The following FAM47E variants were observed in gnomAD, a reference collection of about 807,000 sequenced individuals.
FAM47E encodes the protein protein FAM47E.
FAM47E carries 32 observed loss-of-function variants against 41.6 expected under a neutral mutation model. The observed-to-expected ratio is 0.77, with a 90% confidence interval of 0.58 to 1.03. The LOEUF (loss-of-function observed/expected upper bound fraction) is 1.03, where lower values mean the gene tolerates loss of function less well. Among genes scored for constraint, FAM47E ranks in the 50% least tolerant of loss-of-function variants. FAM47E has a pLI of 0.00. For synonymous variants in FAM47E, 184 were observed against 188.7 expected (o/e 0.98, Z 0.20); for missense variants, 424 against 485.4 (o/e 0.87, Z 1.19).
intron 2 of FAM47E, among the ~76,000 whole-genome samples, chr4:76,245,851 G>A (rs752034639): frequency 2.1e-4 from 32 of 152,076 alleles, no homozygotes; most frequent in African/African-American, 7.0e-4. Flanking sequence ...CAGCCTGACC[G>A]AACTAAAGGA....
At chr4:76,274,829 A>G (rs1209155265) in intron 5 of FAM47E, among the ~76,000 whole-genome samples, 1 of 151,562 alleles carries the variant, frequency 6.6e-6, no homozygotes, top group East Asian at 1.9e-4. Context: ...AATCTCCTGG[A>G]GTTCTCTCTC....
chr4:76,269,897 G>A (rs1381632246), intron 4 of FAM47E, among the ~76,000 whole-genome samples: 1 of 152,054 alleles, frequency 6.6e-6, no homozygotes, highest in Non-Finnish European at 1.5e-5. Flanking sequence ...CTGAGTCTCT[G>A]TAGATGTCTA....
At chr4:76,275,055 A>G (rs1258890951) in intron 5 of FAM47E, among the ~76,000 whole-genome samples, 1 of 149,398 alleles carries the variant, frequency 6.7e-6, no homozygotes. Flanking sequence ...CTTGCACAGT[A>G]TTAATTCATG....
At chr4:76,247,926 T>C (rs1733864552), upstream of FAM47E, among the ~76,000 whole-genome samples, 1 of 142,068 alleles carries the variant, frequency 7.0e-6, no homozygotes, top group African/African-American at 2.6e-5. Context: ...TTTTTTTTTT[T>C]TTTTTTGAGA....
At chr4:76,271,832 T>C (rs1313218150) in intron 5 of FAM47E, 64 bp downstream of exon 5, 1 of 1,493,424 alleles carries the variant, frequency 6.7e-7, no homozygotes, top group Non-Finnish European at 8.9e-7. Flanking sequence ...AGTCTTAAAG[T>C]TCTTGAATTC....
At chr4:76,281,603 T>G (rs1735347925) in intron 7 of FAM47E, 1 of 152,184 alleles carries the variant, frequency 6.6e-6, no homozygotes, top group African/African-American at 2.4e-5. Flanking sequence ...TAAATCCTTA[T>G]TTGCCATTGA....
chr4:76,215,287 G>A (rs957594215), intron 1 of FAM47E, among the ~76,000 whole-genome samples: 1 of 152,210 alleles, frequency 6.6e-6, no homozygotes, highest in African/African-American at 2.4e-5. Flanking sequence ...CTGGGGCTCT[G>A]AGTTAAGTAA....
At chr4:76,217,832 G>C (rs1438471894) in intron 2 of FAM47E, 1 of 402,614 alleles carries the variant, frequency 2.5e-6, no homozygotes, top group East Asian at 3.5e-5. Flanking sequence ...GATTGCTGGT[G>C]CCTGTTGAAA....
chr4:76,254,095 C>A (rs1355754697), intron 1 of FAM47E, among the ~76,000 whole-genome samples: 1 of 150,462 alleles, frequency 6.6e-6, no homozygotes, highest in Non-Finnish European at 1.5e-5. Flanking sequence ...GCCACTGTAC[C>A]CTAGCTTGAG....
At chr4:76,246,892 T>G (rs1733838907), upstream of FAM47E, among the ~76,000 whole-genome samples, 1 of 152,170 alleles carries the variant, frequency 6.6e-6, no homozygotes. Flanking sequence ...CTCATTAATT[T>G]TCAAATTTCC....
chr4:76,268,884 A>G, intron 4 of FAM47E, 116 bp downstream of exon 4: 2 of 1,299,396 alleles, frequency 1.5e-6, no homozygotes, highest in South Asian at 1.5e-5. Flanking sequence ...AAAAAACAGT[A>G]TTGGATAAAA....
rs1436404508 is a variant in FAM47E, at chr4:76,264,905, C to G, written c.560+1062C>G. On this transcript the variant is annotated intron_variant, in intron 3 of 7. Coordinates refer to ENST00000424749, the MANE Select transcript of FAM47E (RefSeq NM_001136570.3). ...GCCACTGGGCCGGGCCTACATTTGA[C>G]TTTTGAAATTAAAGACCTCACTGAT... is the stretch of plus-strand genomic sequence containing the variant. Among the ~76,000 whole-genome samples the G allele has an allele frequency of 2.0e-5, 3 of 152,130 alleles. 1 individual carries two copies. The highest frequency in any genetic ancestry group is 2.0e-4 in the Admixed American group (3 of 15,266).
At chr4:76,226,012 C>T (rs561492245) in intron 2 of FAM47E, among the ~76,000 whole-genome samples, 4 of 152,248 alleles carry the variant, frequency 2.6e-5, no homozygotes, top group Admixed American at 6.5e-5. Flanking sequence ...TGAATCCATC[C>T]GGTCCTGGAC....
At chr4:76,282,378 C>T (rs972241979) in intron 7 of FAM47E, 1 of 152,116 alleles carries the variant, frequency 6.6e-6, no homozygotes, top group Non-Finnish European at 1.5e-5. Flanking sequence ...AGGCGCCCCC[C>T]ATGTGTCCGT....
chr4:76,253,114 A>G (rs754611300), intron 1 of FAM47E, among the ~76,000 whole-genome samples: 2 of 152,200 alleles, frequency 1.3e-5, no homozygotes, highest in Non-Finnish European at 2.9e-5. Context: ...TTAGATAAAC[A>G]GAATAATACA....
chr4:76,231,723 G>T (rs780680925), intron 2 of FAM47E, among the ~76,000 whole-genome samples: 1 of 152,142 alleles, frequency 6.6e-6, no homozygotes, highest in Non-Finnish European at 1.5e-5. Context: ...CCCAGGCATG[G>T]GTTTATCCTC....
rs529312069 is a variant in FAM47E, at chr4:76,274,226, C to T, written c.870+2458C>T. ...CCTATAAATATTCTTGAACTTTGTT[C>T]TGGGATGCAACCAAGTTACTTGGAA... is the stretch of plus-strand genomic sequence containing the variant. On this transcript the variant is annotated intron_variant, in intron 5 of 7. Coordinates refer to ENST00000424749, the MANE Select transcript of FAM47E (RefSeq NM_001136570.3). Among the ~76,000 whole-genome samples, 14 of 152,204 alleles carry T rather than the reference C, an allele frequency of 9.2e-5. No homozygotes were observed. The East Asian group carries it at 2.7e-3, about 29-fold the overall frequency.
chr4:76,243,125 A>T lies in FAM47E; in HGVS notation c.82-20579A>T, dbSNP rs185886726. 3.3e-5 allele frequency among the ~76,000 whole-genome samples: 5 copies of T among 152,342 alleles called. 1 individual carries two copies. Among genetic ancestry groups the T allele is most frequent in the Admixed American group, 3.3e-4 (5 of 15,308 alleles). The stretch of plus-strand genomic sequence containing the variant: ...AAGAAGTAGTCAGTCTGCATCTGGG[A>T]AGAGGGTCCTCACCAGAACCCGACC... On this transcript the variant is annotated intron_variant, in intron 2 of 7. Transcript: ENST00000510197.
chr4:76,234,357 G>A (rs1219887555), intron 2 of FAM47E: 1 of 152,582 alleles, frequency 6.6e-6, no homozygotes, highest in Non-Finnish European at 1.5e-5. Context: ...TTTCCTTTGT[G>A]AAGCTAAAGA....
Sources: gnomAD v4.1 joint callset for allele counts (sites outside exome capture counted in the v4.1 genomes callset) on GRCh38, gnomAD v4.1.1 for gene constraint, MANE v1.5 for transcripts, NCBI Gene and HGNC (gene_info 2026-07-23, HGNC 2026-07-21) for gene names.